The following PLCL2 variants were observed in gnomAD, a reference collection of about 807,000 sequenced individuals.
PLCL2 encodes inactive phospholipase C-like protein 2.
Under a neutral mutation model 79.6 loss-of-function variants are expected in PLCL2, and 4 were observed. That is an observed-to-expected ratio of 0.05 (90% CI 0.02 to 0.11). The LOEUF (loss-of-function observed/expected upper bound fraction) is 0.11. Among genes scored for constraint, PLCL2 ranks in the 10% least tolerant of loss-of-function variants. PLCL2 has a pLI of 1.00. For synonymous variants in PLCL2, 484 were observed against 457.7 expected (o/e 1.06, Z -0.73); for missense variants, 895 against 1,291.0 (o/e 0.69, Z 4.70).
At chr3:16,956,556 G>T (rs1420749242) in intron 1 of PLCL2, among the ~76,000 whole-genome samples, 1 of 152,170 alleles carries the variant, frequency 6.6e-6, no homozygotes, top group Non-Finnish European at 1.5e-5. Flanking sequence ...AATGAGTTAG[G>T]CAGGATTCCC....
chr3:16,904,349 AC>A (rs1696702876), intron 1 of PLCL2, among the ~76,000 whole-genome samples: 1 of 150,284 alleles, frequency 6.7e-6, no homozygotes, highest in African/African-American at 2.5e-5. Context: ...GTTAACACTT[AC>A]GTTTACTGGT....
intron 1 of PLCL2, among the ~76,000 whole-genome samples, chr3:17,003,075 G>A (rs1046659586): frequency 6.6e-6 from 1 of 151,960 alleles, no homozygotes; most frequent in African/African-American, 2.4e-5. Context: ...AATAGTTTCA[G>A]CATCTTCTGA....
chr3:17,047,802 C>G (rs1286042640), intron 4 of PLCL2, among the ~76,000 whole-genome samples: 1 of 152,224 alleles, frequency 6.6e-6, no homozygotes, highest in Admixed American at 6.5e-5. Context: ...CCTGCTGTGA[C>G]TGTTCAGATC....
intron 1 of PLCL2, among the ~76,000 whole-genome samples, chr3:16,963,279 A>G (rs564385438): frequency 6.6e-6 from 1 of 152,262 alleles, no homozygotes; most frequent in East Asian, 1.9e-4. Flanking sequence ...TCACACATCT[A>G]CATATATATA....
intron 1 of PLCL2, among the ~76,000 whole-genome samples, chr3:16,907,831 G>T (rs1696785797): frequency 6.6e-6 from 1 of 152,088 alleles, no homozygotes; most frequent in Non-Finnish European, 1.5e-5. Context: ...GAATTTGGTT[G>T]TTTGCTTTAC....
intron 5 of PLCL2, among the ~76,000 whole-genome samples, chr3:17,076,768 G>C (rs542187030): frequency 2.0e-5 from 3 of 152,212 alleles, no homozygotes; most frequent in Admixed American, 2.0e-4. Flanking sequence ...CTCCCAAGGT[G>C]TAAGAATTAC....
At chr3:16,970,038 T>A (rs1290040900) in intron 1 of PLCL2, among the ~76,000 whole-genome samples, 4 of 135,902 alleles carry the variant, frequency 2.9e-5, no homozygotes, top group African/African-American at 5.4e-5. Context: ...TGGCTTTGAT[T>A]TATATATATA....
intron 1 of PLCL2, among the ~76,000 whole-genome samples, chr3:16,999,262 C>CAT: frequency 6.6e-6 from 1 of 152,244 alleles, no homozygotes; most frequent in Admixed American, 6.5e-5. Flanking sequence ...TTGGGCATCA[C>CAT]ATACGTTTGG....
At chr3:16,958,220 T>C (rs548768306) in intron 1 of PLCL2, among the ~76,000 whole-genome samples, 1 of 152,320 alleles carries the variant, frequency 6.6e-6, no homozygotes, top group African/African-American at 2.4e-5. Flanking sequence ...ATCCTTTCTT[T>C]AATGTTTAGC....
intron 1 of PLCL2, among the ~76,000 whole-genome samples, chr3:16,901,360 G>T (rs1024308900): frequency 6.6e-6 from 1 of 152,194 alleles, no homozygotes; most frequent in Non-Finnish European, 1.5e-5. Context: ...AAGGTCTCAG[G>T]CTGTCCTCCT....
At chr3:16,959,881 G>A (rs960443549) in intron 1 of PLCL2, among the ~76,000 whole-genome samples, 2 of 152,082 alleles carry the variant, frequency 1.3e-5, no homozygotes, top group African/African-American at 2.4e-5. Flanking sequence ...CGAGGCAGGC[G>A]GATCACGAGG....
intron 1 of PLCL2, among the ~76,000 whole-genome samples, chr3:16,978,855 T>G (rs2063952125): frequency 6.6e-6 from 1 of 152,236 alleles, no homozygotes; most frequent in South Asian, 2.1e-4. Context: ...CTTTGCCCTT[T>G]GCCAAAGCAT....
chr3:17,081,752 G>C (rs1009529764), intron 5 of PLCL2, among the ~76,000 whole-genome samples: 13 of 152,200 alleles, frequency 8.5e-5, no homozygotes, highest in African/African-American at 2.2e-4. Context: ...GTAAGCCACA[G>C]GCTCAGCCAG....
chr3:16,957,846 T>G (rs946523894), intron 1 of PLCL2, among the ~76,000 whole-genome samples: 1 of 152,234 alleles, frequency 6.6e-6, no homozygotes, highest in African/African-American at 2.4e-5. Context: ...AGACTAGGAT[T>G]GCAACCCCTG....
intron 1 of PLCL2, among the ~76,000 whole-genome samples, chr3:16,927,729 G>A (rs993876634): frequency 2.7e-5 from 4 of 148,204 alleles, no homozygotes; most frequent in South Asian, 2.1e-4. Context: ...TGTTTCCCCC[G>A]CCCCCACCAC....
At chr3:17,042,740 A>C in intron 3 of PLCL2, 134 bp from the exon 4 acceptor site, 2 of 646,112 alleles carry the variant, frequency 3.1e-6, no homozygotes. Context: ...TTTGAAGTTG[A>C]GTAGTGGAAA....
intron 1 of PLCL2, among the ~76,000 whole-genome samples, chr3:16,962,536 G>A (rs2063764871): frequency 6.6e-6 from 1 of 151,764 alleles, no homozygotes; most frequent in South Asian, 2.1e-4. Flanking sequence ...AATAATTAGT[G>A]AAGAGAATTA....
Position 16,886,951 on chromosome 3 carries a change from T to A in PLCL2, c.327+1585T>A, listed in dbSNP as rs1696240495. On this transcript the variant is annotated intron_variant, in intron 1 of 5. Coordinates refer to ENST00000615277, the MANE Select transcript of PLCL2 (RefSeq NM_001144382.2). This position sits in a 1 kb window ranked among gnomAD's most constrained non-coding sequence, Gnocchi z 4.2. ...CCTTTCTTTTAATTGTTTTGAATAC[T>A]TGTTTTTGCATTAAAAAATCAAACT... Among the ~76,000 whole-genome samples the A allele has an allele frequency of 6.6e-6, 1 of 152,252 alleles. No homozygotes were observed. The highest frequency in any genetic ancestry group is 2.1e-4 in the South Asian group (1 of 4,836).
intron 1 of PLCL2, among the ~76,000 whole-genome samples, chr3:16,954,176 C>G (rs1216633744): frequency 2.0e-5 from 3 of 152,240 alleles, no homozygotes; most frequent in East Asian, 1.9e-4. Flanking sequence ...TCCCTCCCCG[C>G]TCCCCCCAGC....
Sources: gnomAD v4.1 joint callset for allele counts (sites outside exome capture counted in the v4.1 genomes callset) on GRCh38, gnomAD v4.1.1 for gene constraint, Gnocchi (gnomAD v3.1) non-coding constraint, MANE v1.5 for transcripts, NCBI Gene and HGNC (gene_info 2026-07-23, HGNC 2026-07-21) for gene names.